The following SENP1 variants were observed in gnomAD, a reference collection of about 807,000 sequenced individuals.
SENP1 encodes SUMO specific peptidase 1.
In SENP1, 21 loss-of-function variants were observed where a neutral mutation model predicts 93.0. The observed-to-expected ratio is 0.23, with a 90% CI of 0.16 to 0.33. The LOEUF is 0.33. Ranked by LOEUF, SENP1 falls within the 10% of genes least tolerant of loss-of-function variation. The pLI, the probability that SENP1 is intolerant of heterozygous loss-of-function variation, is 1.00. For missense variants in SENP1, 591 were observed against 758.7 expected (o/e 0.78, Z 2.60); for synonymous variants, 256 against 259.6 (o/e 0.99, Z 0.13).
At chr12:48,053,668 G>C (rs1941991783) in intron 13 of SENP1, among the ~76,000 whole-genome samples, 1 of 152,102 alleles carries the variant, frequency 6.6e-6, no homozygotes, top group African/African-American at 2.4e-5. Context: ...ATAGCTGAGA[G>C]ATATCTCTTT....
chr12:48,065,689 T>G lies in SENP1; in HGVS notation c.1035-9A>C. 9 of 1,544,296 alleles carry G rather than the reference T, an allele frequency of 5.8e-6. No individual in the cohort carries two copies. The highest frequency in any genetic ancestry group is 7.9e-6 in the Non-Finnish European group (9 of 1,139,814). The stretch of plus-strand genomic sequence containing the variant: ...AATCATAAACACTAGTTCTAGAAAA[T>G]GAAAAGGAACGTGACCAAATGTAGA... On this transcript the variant is annotated splice_polypyrimidine_tract_variant and intron_variant, in intron 10 of 17. Transcript: ENST00000549518.
At chr12:48,102,431 CAA>C (rs57161608) in intron 1 of SENP1, among the ~76,000 whole-genome samples, 28 of 47,462 alleles carry the variant, frequency 5.9e-4, no homozygotes, top group East Asian at 1.7e-3. Context: ...GACTCTGTCT[CAA>C]AAAAAAAAAA....
At chr12:48,055,880 T>C (rs1400691390) in intron 13 of SENP1, among the ~76,000 whole-genome samples, 4 of 140,876 alleles carry the variant, frequency 2.8e-5, no homozygotes, top group Non-Finnish European at 6.1e-5. Context: ...ATATATTACA[T>C]ATTATGCAAT....
chr12:48,052,628 G>A (rs777377864), intron 13 of SENP1, among the ~76,000 whole-genome samples: 3 of 152,134 alleles, frequency 2.0e-5, no homozygotes, highest in Non-Finnish European at 4.4e-5. Flanking sequence ...AGGAAGGCAG[G>A]TTTCCCTCAC....
Position 48,083,198 on chromosome 12 carries a change from C to G in SENP1, c.552+393G>C, listed in dbSNP as rs908722945. Among the ~76,000 whole-genome samples the G allele has an allele frequency of 9.9e-5, 15 of 152,228 alleles. No homozygotes were observed. The East Asian group carries it at 2.9e-3, about 29-fold the overall frequency. On this transcript the variant is annotated intron_variant, in intron 6 of 17. Coordinates refer to ENST00000549518, the MANE Select transcript of SENP1 (RefSeq NM_001267594.2). ...GGGATCATAGGCATGAGCCACGTCA[C>G]GTGGACTGAAATAAAATTTTATCAA... is the stretch of plus-strand genomic sequence containing the variant.
intron 17 of SENP1, 25 bp from the exon 18 acceptor site, chr12:48,045,409 A>G (rs780996981): frequency 6.2e-7 from 1 of 1,607,908 alleles, no homozygotes; most frequent in South Asian, 1.1e-5. Context: ...AGACACCCTT[A>G]ATTTTCAATG....
In SENP1 at chr12:48,045,278, A is replaced by G. The variant is rs1200195470; in HGVS notation, c.*44T>C. 1.3e-6 allele frequency: 2 copies of G among 1,538,106 alleles called. No homozygotes were observed. Among genetic ancestry groups the G allele is most frequent in the South Asian group, 2.2e-5 (2 of 88,926 alleles). Reference sequence around the variant, plus strand: ...AGGTCTCTGGCTGTAGACAACAAAGAGCTGGTCCCCCACATGGTCAAGGTC... The same window carrying G: ...AGGTCTCTGGCTGTAGACAACAAAGGGCTGGTCCCCCACATGGTCAAGGTC... On this transcript the variant is annotated 3_prime_UTR_variant, in exon 18 of 18. Transcript: ENST00000549518.
Position 48,096,512 on chromosome 12 carries a change from C to T in SENP1, c.136-85G>A, listed in dbSNP as rs896621490. The T allele has an allele frequency of 5.3e-5, 41 of 769,020 alleles. 1 individual carries two copies. The highest frequency in any genetic ancestry group is 8.5e-5 in the Non-Finnish European group (39 of 458,180). The allele number at this position is 769,020 out of a possible 1,614,324, so 47.6% of individuals were successfully genotyped here. On this transcript the variant is annotated intron_variant, in intron 3 of 17. Coordinates refer to ENST00000549518, the MANE Select transcript of SENP1 (RefSeq NM_001267594.2). ...CTCTTGTTGCCCAGGCTGGAGTACACCGGCACAATCTCTGCTCACTGCAAC... is the reference window on the plus strand; with the variant it reads ...CTCTTGTTGCCCAGGCTGGAGTACATCGGCACAATCTCTGCTCACTGCAAC...
chr12:48,079,988 T>G (rs892952294), intron 6 of SENP1: 1 of 152,178 alleles, frequency 6.6e-6, no homozygotes, highest in African/African-American at 2.4e-5. Context: ...ATTACAAAAG[T>G]CCAGTATCTT....
chr12:48,095,349 A>T (rs777709267), intron 4 of SENP1, among the ~76,000 whole-genome samples: 2 of 152,030 alleles, frequency 1.3e-5, no homozygotes, highest in Non-Finnish European at 2.9e-5. Flanking sequence ...CAGCCTGGCC[A>T]ACATGGTGAA....
chr12:48,083,826 A>G (rs566913371), intron 5 of SENP1, 64 bp from the exon 6 acceptor site: 1 of 1,198,184 alleles, frequency 8.3e-7, no homozygotes, highest in African/African-American at 1.5e-5. Context: ...CAACCTAGAG[A>G]TTATTTTCAC....
At chr12:48,074,974 A>G (rs1251256550) in intron 6 of SENP1, among the ~76,000 whole-genome samples, 181 bp from the exon 7 acceptor site, 1 of 152,116 alleles carries the variant, frequency 6.6e-6, no homozygotes, top group Non-Finnish European at 1.5e-5. Context: ...TGGGAGGACA[A>G]GCGGGGAGGA....
chr12:48,058,380 CTTTCTTCCTA>C (rs1263382597), intron 13 of SENP1, among the ~76,000 whole-genome samples: 2 of 152,116 alleles, frequency 1.3e-5, no homozygotes, highest in Admixed American at 6.6e-5. Context: ...CCATCTTGCT[CTTTCTTCCTA>C]TTTGTTCTAT....
intron 9 of SENP1, among the ~76,000 whole-genome samples, chr12:48,071,402 G>A (rs558978429): frequency 5.9e-5 from 9 of 152,138 alleles, no homozygotes; most frequent in Non-Finnish European, 1.3e-4. Flanking sequence ...GATCACTTGA[G>A]GTCAGGAGTT....
chr12:48,048,594 G>A (rs1941549231), intron 14 of SENP1, among the ~76,000 whole-genome samples: 1 of 152,198 alleles, frequency 6.6e-6, no homozygotes, highest in South Asian at 2.1e-4. Flanking sequence ...TGCAAGGTAA[G>A]TTATGATTAG....
rs1555182806 is a variant in SENP1 at position 48,078,342 on chromosome 12, C to CATACAT, written c.553-3550_553-3549insATGTAT. Among the ~76,000 whole-genome samples the CATACAT allele has an allele frequency of 5.8e-3, 125 of 21,510 alleles. 1 individual carries two copies. The highest frequency in any genetic ancestry group is 0.013 in the Non-Finnish European group (89 of 6,732). The allele number at this position is 21,510 out of a possible 152,430, so 14.1% of individuals were successfully genotyped here. ...TTATATATATATATATATACACACA[C>CATACAT]ATATATATATACACACACACACATA... is the stretch of plus-strand genomic sequence containing the variant. On this transcript the variant is annotated intron_variant, in intron 6 of 17. Transcript: ENST00000549518.
rs538773616 is a variant in SENP1, at chr12:48,064,304, A to G, written c.1276-463T>C. Among the ~76,000 whole-genome samples, 13 of 152,318 alleles carry G rather than the reference A, an allele frequency of 8.5e-5. No homozygotes were observed. In the East Asian group the frequency reaches 1.9e-3, roughly 23 times the overall value. On this transcript the variant is annotated intron_variant, in intron 12 of 17. Coordinates refer to ENST00000549518, the MANE Select transcript of SENP1 (RefSeq NM_001267594.2). ...AAGTATGGAATTCAGTACAACTATA[A>G]TAAGTGTGTTATGCTCACCAGCTAC... is the stretch of plus-strand genomic sequence containing the variant.
At chr12:48,083,809 A>G in intron 5 of SENP1, 47 bp from the exon 6 acceptor site, 1 of 1,359,970 alleles carries the variant, frequency 7.4e-7, no homozygotes, top group East Asian at 2.3e-5. Context: ...AATAAGTAAA[A>G]TAAATCCAAC....
intron 13 of SENP1, among the ~76,000 whole-genome samples, chr12:48,056,209 A>C (rs55671810): frequency 9.9e-6 from 1 of 100,760 alleles, no homozygotes; most frequent in Non-Finnish European, 1.8e-5. Flanking sequence ...TATATTATTT[A>C]ATATATATTT....
Sources: gnomAD v4.1 joint callset for allele counts (sites outside exome capture counted in the v4.1 genomes callset) on GRCh38, gnomAD v4.1.1 for gene constraint, MANE v1.5 for transcripts, NCBI Gene and HGNC (gene_info 2026-07-23, HGNC 2026-07-21) for gene names.